The following GPC5 variants were observed in gnomAD, a reference collection of about 807,000 sequenced individuals.
GPC5 encodes the protein glypican-5.
A neutral mutation model predicts 53.9 loss-of-function variants in GPC5; 47 were observed. That is an observed-to-expected ratio of 0.87 (90% CI 0.69 to 1.11). GPC5 has a LOEUF of 1.11. GPC5 is among the 50% of genes most tolerant of loss of function. The probability of loss-of-function intolerance (pLI) is 0.00; values close to 1 mark genes in which losing one functional copy is unlikely to be tolerated. For synonymous variants in GPC5, 286 were observed against 263.3 expected (o/e 1.09, Z -0.84); for missense variants, 748 against 713.1 (o/e 1.05, Z -0.56).
chr13:92,483,736 A>C (rs1879445084), intron 7 of GPC5, among the ~76,000 whole-genome samples: 1 of 151,984 alleles, frequency 6.6e-6, no homozygotes, highest in Non-Finnish European at 1.5e-5. Flanking sequence ...AACATACTGT[A>C]CAGTTATACC....
At chr13:91,836,687 G>A (rs538853749) in intron 5 of GPC5, among the ~76,000 whole-genome samples, 1 of 151,756 alleles carries the variant, frequency 6.6e-6, no homozygotes, top group South Asian at 2.1e-4. Context: ...TATGTTTAAG[G>A]AAATACCTTT....
intron 6 of GPC5, among the ~76,000 whole-genome samples, chr13:92,023,412 A>G (rs2040774978): frequency 6.6e-6 from 1 of 152,084 alleles, no homozygotes. Flanking sequence ...AAAATTGCTT[A>G]AAAAGTAATG....
intron 7 of GPC5, among the ~76,000 whole-genome samples, chr13:92,782,420 T>C (rs1876061168): frequency 6.6e-6 from 1 of 152,114 alleles, no homozygotes; most frequent in Admixed American, 6.6e-5. Context: ...CGTAGAGGGA[T>C]ATGATCATGA....
intron 7 of GPC5, among the ~76,000 whole-genome samples, chr13:92,591,595 T>C (rs1036770268): frequency 6.6e-6 from 1 of 152,204 alleles, no homozygotes; most frequent in Non-Finnish European, 1.5e-5. Flanking sequence ...ATTTTTGTGA[T>C]GAGAACATTT....
At chr13:91,796,083 C>G (rs1429797894) in intron 5 of GPC5, among the ~76,000 whole-genome samples, 13 of 152,052 alleles carry the variant, frequency 8.5e-5, no homozygotes, top group Non-Finnish European at 1.5e-5. Context: ...TGCTCTCTGA[C>G]CTGGGGTACT....
intron 6 of GPC5, among the ~76,000 whole-genome samples, chr13:92,066,761 T>G (rs752735039): frequency 1.3e-5 from 2 of 152,126 alleles, no homozygotes; most frequent in Admixed American, 6.5e-5. Context: ...CATGTGTAAT[T>G]CTTGCTTGAA....
At chr13:92,443,395 T>C (rs146157377) in intron 7 of GPC5, among the ~76,000 whole-genome samples, 1 of 152,326 alleles carries the variant, frequency 6.6e-6, no homozygotes, top group East Asian at 1.9e-4. Flanking sequence ...CACTGTGGAT[T>C]ACAACATTCT....
At chr13:91,668,684 A>G (rs1336706528) in intron 2 of GPC5, among the ~76,000 whole-genome samples, 3 of 152,218 alleles carry the variant, frequency 2.0e-5, no homozygotes, top group Non-Finnish European at 4.4e-5. Flanking sequence ...TTCTCTTGTC[A>G]AATATAAAAA....
At chr13:91,598,161 C>T (rs2033059756) in intron 2 of GPC5, among the ~76,000 whole-genome samples, 1 of 151,998 alleles carries the variant, frequency 6.6e-6, no homozygotes, top group African/African-American at 2.4e-5. Context: ...AAATTCAAAA[C>T]TTAAATTATG....
intron 7 of GPC5, among the ~76,000 whole-genome samples, chr13:92,168,188 G>C (rs112332553): frequency 0.025 from 3,841 of 152,106 alleles, 154 homozygotes; most frequent in African/African-American, 0.087. Context: ...AAAATTAACT[G>C]AAGATGGATT....
chr13:91,764,809 CA>C (rs2037490218), intron 5 of GPC5, among the ~76,000 whole-genome samples: 1 of 152,098 alleles, frequency 6.6e-6, no homozygotes, highest in South Asian at 2.1e-4. Context: ...GATGATGGAT[CA>C]AAAGTGAGAA....
At chr13:92,657,736 A>G (rs1027220929) in intron 7 of GPC5, among the ~76,000 whole-genome samples, 27 of 151,934 alleles carry the variant, frequency 1.8e-4, no homozygotes, top group African/African-American at 6.5e-4. Context: ...GAATACTTCA[A>G]ATTTTCCAAG....
chr13:92,423,298 A>G (rs978643471), intron 7 of GPC5, among the ~76,000 whole-genome samples: 3 of 152,206 alleles, frequency 2.0e-5, no homozygotes, highest in Admixed American at 2.0e-4. Flanking sequence ...AAAACATATA[A>G]TTCAGAATAA....
chr13:91,819,733 C>T (rs1458733510), intron 5 of GPC5, among the ~76,000 whole-genome samples: 4 of 152,090 alleles, frequency 2.6e-5, no homozygotes, highest in South Asian at 2.1e-4. Flanking sequence ...AATTGTTGCA[C>T]GTGCCTATGT....
At chr13:92,446,154 C>G (rs1877816329) in intron 7 of GPC5, among the ~76,000 whole-genome samples, 1 of 151,740 alleles carries the variant, frequency 6.6e-6, no homozygotes, top group Non-Finnish European at 1.5e-5. Flanking sequence ...ACTATAGTCA[C>G]TTTGTGCTAT....
intron 4 of GPC5, among the ~76,000 whole-genome samples, chr13:91,753,978 T>C (rs2037234638): frequency 6.6e-6 from 1 of 152,186 alleles, no homozygotes; most frequent in African/African-American, 2.4e-5. Context: ...AAAAACTTAG[T>C]ACTCAGTAGC....
chr13:92,261,221 G>A (rs887426841), intron 7 of GPC5, among the ~76,000 whole-genome samples: 2 of 152,066 alleles, frequency 1.3e-5, no homozygotes, highest in African/African-American at 4.8e-5. Context: ...AAATAATTTT[G>A]TGATTTTTTG....
intron 7 of GPC5, among the ~76,000 whole-genome samples, chr13:92,748,324 T>TTAG (rs948031094): frequency 6.8e-6 from 1 of 147,286 alleles, no homozygotes; most frequent in African/African-American, 2.5e-5. Flanking sequence ...ATTATTATTA[T>TTAG]TATTATTATT....
At chr13:91,905,419 T>C (rs2039543075) in intron 5 of GPC5, among the ~76,000 whole-genome samples, 1 of 152,090 alleles carries the variant, frequency 6.6e-6, no homozygotes, top group African/African-American at 2.4e-5. Context: ...TAATGAATAC[T>C]GGAATACTTA....
Sources: allele counts gnomAD v4.1 joint callset (sites outside exome capture counted in the v4.1 genomes callset), GRCh38; gene constraint gnomAD v4.1.1; transcripts MANE v1.5; gene names NCBI Gene and HGNC (gene_info 2026-07-23, HGNC 2026-07-21).